The following MTMR4 variants were observed in gnomAD, a reference collection of about 807,000 sequenced individuals.
MTMR4 encodes the protein myotubularin related protein 4.
Under a neutral mutation model 125.5 loss-of-function variants are expected in MTMR4, and 30 were observed. The observed-to-expected ratio is 0.24, with a 90% CI of 0.18 to 0.32. The LOEUF (loss-of-function observed/expected upper bound fraction) is 0.32. Among genes scored for constraint, MTMR4 ranks in the 10% least tolerant of loss-of-function variants. MTMR4 has a pLI of 1.00. For missense variants in MTMR4, 1,039 were observed against 1,511.5 expected (o/e 0.69, Z 5.18); for synonymous variants, 498 against 564.5 (o/e 0.88, Z 1.67).
chr17:58,506,627 G>A (rs1975784904), intron 9 of MTMR4, 116 bp downstream of exon 9: 1 of 1,355,270 alleles, frequency 7.4e-7, no homozygotes, highest in Non-Finnish European at 9.9e-7. Flanking sequence ...GCAAAGTTGT[G>A]ATTACAAGCC....
intron 14 of MTMR4, among the ~76,000 whole-genome samples, chr17:58,499,344 C>T (rs995430553): frequency 4.6e-5 from 7 of 151,678 alleles, no homozygotes; most frequent in East Asian, 1.9e-4. Flanking sequence ...GTCAGGAGTT[C>T]GAGACCAGCT....
Position 58,512,189 on chromosome 17 carries a change from T to C in MTMR4, c.252+201A>G, listed in dbSNP as rs1341999478. On this transcript the variant is annotated intron_variant, in intron 3 of 17. Coordinates refer to ENST00000682306, the MANE Select transcript of MTMR4 (RefSeq NM_001378067.1). This position sits in a 1 kb window ranked among gnomAD's most constrained non-coding sequence, Gnocchi z 4.1. ...TTAGTAGAGACACAGTTTCACCATGTTGGCCAGGCTGGTCTCGAACTCCTG... is the reference window on the plus strand; with the variant it reads ...TTAGTAGAGACACAGTTTCACCATGCTGGCCAGGCTGGTCTCGAACTCCTG... Among the ~76,000 whole-genome samples, 1 of 152,174 alleles carries C rather than the reference T, an allele frequency of 6.6e-6. No homozygotes were observed. Among genetic ancestry groups the C allele is most frequent in the Admixed American group, 6.5e-5 (1 of 15,280 alleles).
chr17:58,507,824 C>T (rs1975816295), intron 7 of MTMR4, among the ~76,000 whole-genome samples: 1 of 151,908 alleles, frequency 6.6e-6, no homozygotes, highest in South Asian at 2.1e-4. Flanking sequence ...AGCTTACAAG[C>T]CGTTTTATAT....
At chr17:58,517,447 C>T (rs2042033034), upstream of MTMR4, among the ~76,000 whole-genome samples, 2 of 152,260 alleles carry the variant, frequency 1.3e-5, no homozygotes, top group African/African-American at 4.8e-5. Context: ...TGCCCACCTC[C>T]CTGTTCACAG....
At chr17:58,507,916 TATACAC>T (rs1331500868) in intron 7 of MTMR4, 3 of 325,802 alleles carry the variant, frequency 9.2e-6, no homozygotes, top group Non-Finnish European at 1.6e-5. Flanking sequence ...TGTACTATTT[TATACAC>T]ACACACACAC....
upstream of MTMR4, among the ~76,000 whole-genome samples, chr17:58,518,595 T>C (rs180864680): frequency 2.7e-3 from 404 of 152,236 alleles, 3 homozygotes; most frequent in Middle Eastern, 0.014. Flanking sequence ...AGTGAAGAAC[T>C]CTCCTCTCAT....
intron 14 of MTMR4, among the ~76,000 whole-genome samples, chr17:58,498,541 G>C (rs1975534456): frequency 1.0e-5 from 1 of 99,884 alleles, no homozygotes; most frequent in African/African-American, 3.8e-5. Context: ...GGGAGGAGGG[G>C]GGAGGAGGGG....
upstream of MTMR4, among the ~76,000 whole-genome samples, chr17:58,518,475 G>A (rs1176091920): frequency 6.6e-6 from 1 of 152,102 alleles, no homozygotes; most frequent in African/African-American, 2.4e-5. Context: ...TCCGACTGGC[G>A]GCGCTAGGAT....
chr17:58,514,465 G>A lies in MTMR4; in HGVS notation c.-58C>T. 1.0e-6 allele frequency: 1 copy of A among 984,788 alleles called. No homozygotes were observed. The highest frequency in any genetic ancestry group is 1.2e-6 in the Non-Finnish European group (1 of 829,638). 61.0% of individuals were successfully genotyped at this position (984,788 alleles called of 1,614,324 possible). A position where few individuals can be genotyped will look rare whatever the true frequency, so the allele number is the denominator to read the frequency against. ...CCCGGAGCCGCTGCGCTGCCCGCCAGCCCCGGGCGCCCGCCGCATCCCGGC... is the reference window on the plus strand; with the variant it reads ...CCCGGAGCCGCTGCGCTGCCCGCCAACCCCGGGCGCCCGCCGCATCCCGGC... On this transcript the variant is annotated 5_prime_UTR_variant, in exon 1 of 18. Coordinates refer to ENST00000682306, the MANE Select transcript of MTMR4 (RefSeq NM_001378067.1).
At chr17:58,505,279 A>G (rs1975746896) in intron 10 of MTMR4, among the ~76,000 whole-genome samples, 193 bp downstream of exon 10, 1 of 152,232 alleles carries the variant, frequency 6.6e-6, no homozygotes, top group African/African-American at 2.4e-5. Context: ...AAAGGAATCC[A>G]TGTCCTGTGA....
At chr17:58,511,571 A>T (rs1457086301) in intron 3 of MTMR4, 60 bp from the exon 4 acceptor site, 2 of 1,399,874 alleles carry the variant, frequency 1.4e-6, no homozygotes, top group Non-Finnish European at 2.0e-6. Flanking sequence ...CCTCACCCTC[A>T]CCCTAGCGTA....
At chr17:58,499,214 C>T (rs545703504) in intron 14 of MTMR4, among the ~76,000 whole-genome samples, 13 of 151,786 alleles carry the variant, frequency 8.6e-5, no homozygotes, top group Admixed American at 6.6e-4. Context: ...TTCTCAACCC[C>T]TGCCAGCCAC....
chr17:58,516,045 GA>G (rs2143948856), upstream of MTMR4, among the ~76,000 whole-genome samples: 1 of 152,348 alleles, frequency 6.6e-6, no homozygotes, highest in Non-Finnish European at 1.5e-5. Context: ...CACCTCTGGT[GA>G]TATTCTGGGC....
intron 10 of MTMR4, 152 bp from the exon 11 acceptor site, chr17:58,505,126 G>A: frequency 1.4e-6 from 1 of 714,318 alleles, no homozygotes; most frequent in Non-Finnish European, 2.3e-6. Flanking sequence ...GAGGTATCTA[G>A]CAGGAAGGTA....
intron 14 of MTMR4, among the ~76,000 whole-genome samples, chr17:58,503,203 A>G (rs1381374102): frequency 6.6e-6 from 1 of 152,168 alleles, no homozygotes; most frequent in African/African-American, 2.4e-5. Flanking sequence ...CTGCTTGGGT[A>G]TATCATACAG....
In MTMR4 at chr17:58,512,595, A is replaced by G. The variant is rs988650199; in HGVS notation, c.136-89T>C. 2.6e-6 allele frequency: 3 copies of G among 1,144,818 alleles called. No individual in the cohort carries two copies. In the African/African-American group the frequency reaches 4.6e-5, roughly 18 times the overall value. The allele number at this position is 1,144,818 out of a possible 1,614,324, so 70.9% of individuals were successfully genotyped here. On this transcript the variant is annotated intron_variant, in intron 2 of 17. Transcript: ENST00000682306. The surrounding 1 kb of genome is among the most constrained non-coding windows in gnomAD (Gnocchi z 4.1). ...CCCTGATCTGTGGGATCCCCTCTGGAAAAGGTGGGCCAAGGCAAGAGAGGA... is the reference window on the plus strand; with the variant it reads ...CCCTGATCTGTGGGATCCCCTCTGGGAAAGGTGGGCCAAGGCAAGAGAGGA...
chr17:58,493,846 A>G (rs978108733), intron 15 of MTMR4, among the ~76,000 whole-genome samples: 25 of 152,188 alleles, frequency 1.6e-4, no homozygotes, highest in African/African-American at 6.0e-4. Flanking sequence ...GTGTCTGTGT[A>G]AATGGCAAGA....
At chr17:58,505,775 G>A (rs1975764588) in intron 9 of MTMR4, among the ~76,000 whole-genome samples, 192 bp from the exon 10 acceptor site, 1 of 152,180 alleles carries the variant, frequency 6.6e-6, no homozygotes, top group African/African-American at 2.4e-5. Context: ...GGCCATAGTG[G>A]TAGGCACTTG....
upstream of MTMR4, chr17:58,516,454 G>A: frequency 1.0e-6 from 1 of 979,472 alleles, no homozygotes; most frequent in Non-Finnish European, 1.6e-6. Flanking sequence ...CAGGGCAGAT[G>A]AACATGTTTA....
Sources: allele counts gnomAD v4.1 joint callset (sites outside exome capture counted in the v4.1 genomes callset), GRCh38; gene constraint gnomAD v4.1.1; non-coding constraint Gnocchi (gnomAD v3.1); transcripts MANE v1.5; gene names NCBI Gene and HGNC (gene_info 2026-07-23, HGNC 2026-07-21).